TCEAL5: variants seen among roughly 807,000 people sequenced by gnomAD.
TCEAL5 encodes transcription elongation factor A protein-like 5.
For synonymous variants in TCEAL5, 65 were observed against 61.2 expected (o/e 1.06, Z -0.29); for missense variants, 111 against 158.1 (o/e 0.70, Z 1.60).
At position 103,273,970 on chromosome X, in the gene TCEAL5, T is replaced by C. The variant is rs749359252; in HGVS notation, c.594A>G (p.Lys198=). ...RGVRGGGRGQ[K]DLEDVPYV ...AAACATATGGGACATCTTCTAAGTC[T>C]TTCTGGCCCCTACCTCCGCCCCTCA... The change falls in exon 3 of 3, where the codon AAA becomes AAG. Residue 198 remains lysine, a synonymous_variant. Coordinates refer to ENST00000372680, the MANE Select transcript of TCEAL5 (RefSeq NM_001012979.3). The C allele has an allele frequency of 2.5e-6, 3 of 1,210,480 alleles. No homozygotes were observed. Among genetic ancestry groups the C allele is most frequent in the South Asian group, 1.8e-5 (1 of 56,707 alleles).
intron 1 of TCEAL5, among the ~76,000 whole-genome samples, chrX:103,276,312 G>T (rs1348268918): frequency 3.4e-5 from 1 of 29,640 alleles, no homozygotes; most frequent in East Asian, 1.4e-3. Context: ...TCCCCGCCCC[G>T]CACCAAGCCC....
chrX:103,274,014 G>A lies in TCEAL5; in HGVS notation c.550C>T (p.Gln184Ter). Residue 184 changes from glutamine (Q) to a stop codon, truncating the protein, a stop_gained, in exon 3 of 3, where the codon CAA becomes TAA. Coordinates refer to ENST00000372680, the MANE Select transcript of TCEAL5 (RefSeq NM_001012979.3). LOFTEE classifies it high-confidence loss of function. ...CCCCTCACTCCCCTCACACCCCGTTGGCCCCTTGGGGCGAATGGATCCTGT... is the reference window on the plus strand; with the variant it reads ...CCCCTCACTCCCCTCACACCCCGTTAGCCCCTTGGGGCGAATGGATCCTGT... ...DVQDPFAPRGQRGVRGVRGGG... is the reference protein window; with the variant it reads ...DVQDPFAPRG 8.3e-7 allele frequency: 1 copy of A among 1,211,676 alleles called. No homozygotes were observed.
rs192604285 is a variant in TCEAL5, at chrX:103,275,736, C to A, written c.-95-394G>T. 3.6e-4 allele frequency among the ~76,000 whole-genome samples: 40 copies of A among 111,370 alleles called. No homozygotes were observed. In the Admixed American group the frequency reaches 3.8e-3, roughly 11 times the overall value. On this transcript the variant is annotated intron_variant, in intron 1 of 2. Coordinates refer to ENST00000372680, the MANE Select transcript of TCEAL5 (RefSeq NM_001012979.3). ...AGGGTAGCCAAATAGCAGAGCCCAC[C>A]ACTTCTCTGAAAATGGTGATGACAG...
chrX:103,274,675 G>A, intron 2 of TCEAL5, 85 bp from the exon 3 acceptor site: 1 of 955,753 alleles, frequency 1.0e-6, no homozygotes, highest in Non-Finnish European at 1.4e-6. Flanking sequence ...TCTTAACTTA[G>A]GGTTTTCCTG....
Position 103,274,365 on chromosome X carries a change from C to G in TCEAL5, c.199G>C (p.Glu67Gln), listed in dbSNP as rs774820811. The G allele has an allele frequency of 3.1e-5, 38 of 1,209,234 alleles. No homozygotes were observed. In the Admixed American group the frequency reaches 7.9e-4, roughly 25 times the overall value. The change falls in exon 3 of 3, where the codon GAA becomes CAA. Residue 67 changes from glutamate (E) to glutamine (Q), a missense_variant. Coordinates refer to ENST00000372680, the MANE Select transcript of TCEAL5 (RefSeq NM_001012979.3). ...EGEPGDEGQLEDEGNQEKQGK... is the reference protein window; with the variant it reads ...EGEPGDEGQLQDEGNQEKQGK... ...TGCTTTTCCTGGTTTCCCTCATCTT[C>G]CAGTTGTCCCTCATCACCTGGCTCT...
At position 103,273,880 on chromosome X, in the gene TCEAL5, T is replaced by C. The variant is rs1925500024; in HGVS notation, c.*63A>G. 1.6e-5 allele frequency: 19 copies of C among 1,167,619 alleles called. No homozygotes were observed. In the East Asian group the frequency reaches 5.7e-4, roughly 35 times the overall value. On this transcript the variant is annotated 3_prime_UTR_variant, in exon 3 of 3. Transcript: ENST00000372680. ...TAAAGCACATAGGCCGGCAAATGCC[T>C]GCCAGGAAAAGCAGGACTGGCAATA...
chrX:103,276,739 CAG>C lies in TCEAL5; in HGVS notation c.-164_-163del, dbSNP rs1252144736. On this transcript the variant is annotated 5_prime_UTR_variant, in exon 1 of 3. Coordinates refer to ENST00000372680, the MANE Select transcript of TCEAL5 (RefSeq NM_001012979.3). ...TGAAGTCTGCCTTCCTCCACGGAAA[CAG>C]GGATCTGGTACCTGGAGGAGAGGGA... 3 of 111,267 alleles carry C rather than the reference CAG, an allele frequency of 2.7e-5. No homozygotes were observed. Among genetic ancestry groups the C allele is most frequent in the African/African-American group, 9.8e-5 (3 of 30,499 alleles). The allele number at this position is 111,267 out of a possible 1,213,427, so 9.2% of individuals were successfully genotyped here. A position where few individuals can be genotyped will look rare whatever the true frequency, so the allele number is the denominator to read the frequency against.
intron 1 of TCEAL5, among the ~76,000 whole-genome samples, chrX:103,276,211 G>A (rs973432437): frequency 1.8e-5 from 2 of 110,836 alleles, no homozygotes; most frequent in African/African-American, 6.6e-5. Context: ...TCCTCCATCA[G>A]ACATCACCCG....
chrX:103,275,996 T>C (rs1925550144), intron 1 of TCEAL5, among the ~76,000 whole-genome samples: 1 of 111,601 alleles, frequency 9.0e-6, no homozygotes, highest in Non-Finnish European at 1.9e-5. Context: ...CAGCACCTCC[T>C]TCCCCTGACC....
intron 1 of TCEAL5, among the ~76,000 whole-genome samples, chrX:103,276,134 G>T (rs947238697): frequency 5.4e-5 from 6 of 111,380 alleles, no homozygotes; most frequent in Non-Finnish European, 7.6e-5. Context: ...CCCGCCTCCC[G>T]CTGCCTTGCA....
Position 103,275,496 on chromosome X carries a change from C to A in TCEAL5, c.-95-154G>T, listed in dbSNP as rs1210588651. Among the ~76,000 whole-genome samples the A allele has an allele frequency of 3.6e-5, 4 of 111,950 alleles. No individual in the cohort carries two copies. The East Asian group carries it at 1.1e-3, about 32-fold the overall frequency. On this transcript the variant is annotated intron_variant, in intron 1 of 2. Transcript: ENST00000372680. ...TCCCTTGCATTCTCTGATTCCCCCT[C>A]CGCGCGCAGCTCTTTCTTAAGAGCC...
chrX:103,276,044 G>A (rs772897570), intron 1 of TCEAL5, among the ~76,000 whole-genome samples: 2 of 110,958 alleles, frequency 1.8e-5, no homozygotes, highest in African/African-American at 6.6e-5. Flanking sequence ...AATGGAGGGA[G>A]GTTGGAGAAA....
intron 1 of TCEAL5, among the ~76,000 whole-genome samples, chrX:103,276,468 CTCTT>C (rs1252969669): frequency 8.2e-5 from 9 of 110,223 alleles, no homozygotes; most frequent in Non-Finnish European, 1.5e-4. Flanking sequence ...GGGGAAATGA[CTCTT>C]TCTCACATTT....
At chrX:103,276,156 G>C (rs911179873) in intron 1 of TCEAL5, among the ~76,000 whole-genome samples, 1 of 111,415 alleles carries the variant, frequency 9.0e-6, no homozygotes, top group Non-Finnish European at 1.9e-5. Context: ...GGATCAGGCC[G>C]TTTTCTCGCC....
chrX:103,276,464 A>G (rs1456999679), intron 1 of TCEAL5, among the ~76,000 whole-genome samples: 1 of 109,691 alleles, frequency 9.1e-6, no homozygotes, highest in Non-Finnish European at 1.9e-5. Flanking sequence ...TCTCGGGGAA[A>G]TGACTCTTTC....
chrX:103,275,492 C>T (rs138063730), intron 1 of TCEAL5, 150 bp from the exon 2 acceptor site: 84 of 111,980 alleles, frequency 7.5e-4, no homozygotes, highest in African/African-American at 2.7e-3. Flanking sequence ...CTCTGATTCC[C>T]CCTCCGCGCG....
At chrX:103,276,300 C>G (rs189009017) in intron 1 of TCEAL5, among the ~76,000 whole-genome samples, 2 of 100,409 alleles carry the variant, frequency 2.0e-5, no homozygotes, top group East Asian at 3.2e-4. Flanking sequence ...CCCCCTCCCC[C>G]CTCCCCGCCC....
chrX:103,274,524 T>C lies in TCEAL5; in HGVS notation c.40A>G (p.Asn14Asp). The C allele has an allele frequency of 8.3e-7, 1 of 1,204,116 alleles. No homozygotes were observed. Reference protein sequence around the residue: ...LYKENEGKPENERNLESEGKP... With the variant: ...LYKENEGKPEDERNLESEGKP... ...CCCTCACTTTCTAGGTTTCTTTCAT[T>C]CTCTGGCTTTCCTTCATTTTCTTTG... is the stretch of plus-strand genomic sequence containing the variant. The change falls in exon 3 of 3, where the codon AAT becomes GAT. Residue 14 changes from asparagine (N) to aspartate (D), a missense_variant. Asn to Asp is a conservative substitution (Grantham distance 23, BLOSUM62 1). Coordinates refer to ENST00000372680, the MANE Select transcript of TCEAL5 (RefSeq NM_001012979.3).
rs1286929268 is a variant in TCEAL5 at position 103,273,815 on chromosome X, TAAC to T, written c.*125_*127del. The T allele has an allele frequency of 3.0e-6, 3 of 1,011,463 alleles. No individual in the cohort carries two copies. In the African/African-American group the frequency reaches 5.8e-5, roughly 20 times the overall value. The allele number at this position is 1,011,463 out of a possible 1,213,427, so 83.4% of individuals were successfully genotyped here. ...TGTAGTTGGGTCAAAAGTCTGCTGG[TAAC>T]AAGAGTGACACCTAAAGGAAAGTAT... On this transcript the variant is annotated 3_prime_UTR_variant, in exon 3 of 3. Transcript: ENST00000372680.
Sources: allele counts gnomAD v4.1 joint callset (sites outside exome capture counted in the v4.1 genomes callset), GRCh38; gene constraint gnomAD v4.1.1; transcripts MANE v1.5; gene names NCBI Gene and HGNC (gene_info 2026-07-23, HGNC 2026-07-21).